The following ALDH3A2 variants were observed in gnomAD, a reference collection of about 807,000 sequenced individuals.
ALDH3A2 encodes the protein aldehyde dehydrogenase family 3 member A2.
In ALDH3A2, 36 loss-of-function variants were observed where a neutral mutation model predicts 51.3. The ratio of observed to expected loss-of-function variants is 0.70; its 90% CI spans 0.54 to 0.93. The LOEUF (loss-of-function observed/expected upper bound fraction) is 0.93, where lower values mean the gene tolerates loss of function less well. ALDH3A2 is among the 40% of genes least tolerant of loss of function. The probability of loss-of-function intolerance (pLI) is 0.00; values close to 1 mark genes in which losing one functional copy is unlikely to be tolerated. For synonymous variants in ALDH3A2, 199 were observed against 219.8 expected (o/e 0.91, Z 0.84); for missense variants, 552 against 603.1 (o/e 0.92, Z 0.89).
At chr17:19,653,790 G>A (rs1338008156) in intron 3 of ALDH3A2, among the ~76,000 whole-genome samples, 1 of 152,214 alleles carries the variant, frequency 6.6e-6, no homozygotes, top group African/African-American at 2.4e-5. Flanking sequence ...TGCCGCTGCT[G>A]GCTTGGGCAG....
At chr17:19,672,716 G>A (rs1227336622) in intron 9 of ALDH3A2, among the ~76,000 whole-genome samples, 1 of 152,176 alleles carries the variant, frequency 6.6e-6, no homozygotes, top group Non-Finnish European at 1.5e-5. Context: ...CTTGGAAAAG[G>A]CAATGGTAAT....
chr17:19,673,818 A>G (rs2085153698), intron 9 of ALDH3A2, among the ~76,000 whole-genome samples: 2 of 152,228 alleles, frequency 1.3e-5, no homozygotes, highest in Admixed American at 1.3e-4. Context: ...CTTATCCACA[A>G]TTTTAAAAGG....
intron 8 of ALDH3A2, among the ~76,000 whole-genome samples, chr17:19,668,218 T>C (rs566155376): frequency 5.9e-5 from 9 of 152,272 alleles, no homozygotes; most frequent in African/African-American, 2.2e-4. Context: ...TTCCAGATTT[T>C]AATTTTTCTT....
rs1452548859 is a variant in ALDH3A2, at chr17:19,649,174, T to C, written c.153+50T>C. 5.9e-6 allele frequency: 9 copies of C among 1,532,030 alleles called. No homozygotes were observed. In the East Asian group the frequency reaches 2.0e-4, roughly 34 times the overall value. The allele number at this position is 1,532,030 out of a possible 1,614,324, so 94.9% of individuals were successfully genotyped here. A position where few individuals can be genotyped will look rare whatever the true frequency, so the allele number is the denominator to read the frequency against. ...GGGGAAACTGGCCCCCGCCGCGCACTTGTGGACTGGAGCTTCGGCTGGGTT... is the reference window on the plus strand; with the variant it reads ...GGGGAAACTGGCCCCCGCCGCGCACCTGTGGACTGGAGCTTCGGCTGGGTT... On this transcript the variant is annotated intron_variant, in intron 1 of 9. Coordinates refer to ENST00000176643, the MANE Select transcript of ALDH3A2 (RefSeq NM_000382.3).
intron 7 of ALDH3A2, among the ~76,000 whole-genome samples, chr17:19,664,398 C>T (rs547458424): frequency 6.6e-6 from 1 of 152,138 alleles, no homozygotes; most frequent in East Asian, 1.9e-4. Context: ...TTGCTGGCAC[C>T]CAAGGGTAAA....
At position 19,675,605 on chromosome 17, in the gene ALDH3A2, A is replaced by G. The variant is rs763464219; in HGVS notation, c.*33A>G. On this transcript the variant is annotated 3_prime_UTR_variant, in exon 10 of 10. Transcript: ENST00000176643. Reference sequence around the variant, plus strand: ...TCCTGTTCAACCTCCTAGTGCCTCTACTGAATTATTCCTCTTTTAAATGGT... The same window carrying G: ...TCCTGTTCAACCTCCTAGTGCCTCTGCTGAATTATTCCTCTTTTAAATGGT... The G allele has an allele frequency of 1.9e-6, 3 of 1,601,262 alleles. No homozygotes were observed. The highest frequency in any genetic ancestry group is 2.2e-5 in the South Asian group (2 of 90,788).
chr17:19,662,793 C>G (rs966044791), intron 6 of ALDH3A2, among the ~76,000 whole-genome samples: 15 of 152,120 alleles, frequency 9.9e-5, no homozygotes, highest in Non-Finnish European at 1.9e-4. Flanking sequence ...CTAGAAAGAC[C>G]TGTCCATTCG....
At chr17:19,660,489 TTTTG>T (rs1476384090) in intron 5 of ALDH3A2, among the ~76,000 whole-genome samples, 2 of 152,176 alleles carry the variant, frequency 1.3e-5, no homozygotes, top group East Asian at 1.9e-4. Context: ...AATTCAGTAA[TTTTG>T]TTTGTTTTAC....
At position 19,670,282 on chromosome 17, in the gene ALDH3A2, G is replaced by T. The variant is rs144010628; in HGVS notation, c.1208-1439G>T. Among the ~76,000 whole-genome samples the T allele has an allele frequency of 3.6e-3, 543 of 152,198 alleles. 8 individuals are homozygous for T. The highest frequency in any genetic ancestry group is 0.028 in the East Asian group (143 of 5,184). On this transcript the variant is annotated intron_variant, in intron 8 of 9. Coordinates refer to ENST00000176643, the MANE Select transcript of ALDH3A2 (RefSeq NM_000382.3). The stretch of plus-strand genomic sequence containing the variant: ...GAAGAATTTATATCTTTAAAATGTG[G>T]AGTCTTAATGGGAATATGTTATATC...
chr17:19,652,719 G>A lies in ALDH3A2; in HGVS notation c.471+87G>A. The A allele has an allele frequency of 3.4e-6, 4 of 1,172,622 alleles. No homozygotes were observed. The South Asian group carries it at 3.7e-5, about 11-fold the overall frequency. 72.6% of individuals were successfully genotyped at this position (1,172,622 alleles called of 1,614,324 possible). A position where few individuals can be genotyped will look rare whatever the true frequency, so the allele number is the denominator to read the frequency against. On this transcript the variant is annotated intron_variant, in intron 3 of 9. Transcript: ENST00000176643. The stretch of plus-strand genomic sequence containing the variant: ...TTCTTGCTATTGCATGTTATTGCTG[G>A]CCGGGGACCCAATTGCAGTCTCTTT...
Position 19,656,438 on chromosome 17 carries a change from T to C in ALDH3A2, c.544T>C (p.Phe182Leu), listed in dbSNP as rs780052067. The C allele has an allele frequency of 2.5e-6, 4 of 1,614,084 alleles. No individual in the cohort carries two copies. The African/African-American group carries it at 5.3e-5, about 22-fold the overall frequency. The change falls in exon 4 of 10, where the codon TTC becomes CTC. Residue 182 changes from phenylalanine to leucine, a missense_variant. Coordinates refer to ENST00000176643, the MANE Select transcript of ALDH3A2 (RefSeq NM_000382.3). ...ELLKQRFDHI[F>L]YTGNTAVGKI... ...CCTGAAGCAGCGATTTGACCACATT[T>C]TCTATACGGGAAACACTGCGGTTGG...
intron 8 of ALDH3A2, among the ~76,000 whole-genome samples, chr17:19,669,570 A>G (rs1008175505): frequency 1.1e-4 from 17 of 152,276 alleles, no homozygotes; most frequent in African/African-American, 3.6e-4. Context: ...AGTTAGCTTT[A>G]TAAGTGACAT....
chr17:19,673,507 C>A (rs2085148540), intron 9 of ALDH3A2, among the ~76,000 whole-genome samples: 1 of 151,940 alleles, frequency 6.6e-6, no homozygotes, highest in Non-Finnish European at 1.5e-5. Flanking sequence ...TGCCTGAGTT[C>A]CGGAGTTCGA....
At chr17:19,675,137 A>G (rs969667637) in intron 9 of ALDH3A2, 5 of 169,896 alleles carry the variant, frequency 2.9e-5, no homozygotes, top group Admixed American at 1.1e-4. Context: ...TCAGTCTTCA[A>G]TAGGAAGGAT....
At chr17:19,652,107 TTC>T (rs2084823841) in intron 2 of ALDH3A2, among the ~76,000 whole-genome samples, 5 of 152,212 alleles carry the variant, frequency 3.3e-5, no homozygotes, top group Admixed American at 3.3e-4. Context: ...AACCATTTGA[TTC>T]TGTCTGACCA....
chr17:19,654,493 G>A lies in ALDH3A2; in HGVS notation c.471+1861G>A, dbSNP rs948783644. 3.3e-5 allele frequency among the ~76,000 whole-genome samples: 5 copies of A among 152,156 alleles called. No homozygotes were observed. The highest frequency in any genetic ancestry group is 5.9e-5 in the Non-Finnish European group (4 of 68,010). On this transcript the variant is annotated intron_variant, in intron 3 of 9. Transcript: ENST00000176643. This position sits in a 1 kb window ranked among gnomAD's most constrained non-coding sequence, Gnocchi z 4.5. ...GGTGGCTGAGGCCCGGCGAGAATTC[G>A]AGTGTGGCGCTGGTGGGCTGGCATT... is the stretch of plus-strand genomic sequence containing the variant.
chr17:19,648,978 C>G lies in ALDH3A2; in HGVS notation c.7C>G (p.Leu3Val). The G allele has an allele frequency of 6.3e-7, 1 of 1,588,312 alleles. No homozygotes were observed. The highest frequency in any genetic ancestry group is 8.6e-7 in the Non-Finnish European group (1 of 1,168,336). ME[L>V]EVRRVRQAFL... ...TTCTCTGCAGGACCAGGCCATGGAG[C>G]TCGAAGTCCGGCGGGTCCGACAGGC... The change falls in exon 1 of 10, where the codon CTC becomes GTC. Residue 3 changes from leucine to valine, a missense_variant. Leu to Val is a conservative substitution (Grantham distance 32, BLOSUM62 1). Transcript: ENST00000176643.
intron 8 of ALDH3A2, among the ~76,000 whole-genome samples, chr17:19,666,106 T>C (rs1301866099): frequency 1.3e-5 from 2 of 151,166 alleles, no homozygotes; most frequent in Admixed American, 1.3e-4. Flanking sequence ...TTGGAAATGG[T>C]GGTGGCTTGT....
In ALDH3A2 at chr17:19,670,680, A is replaced by G. The variant is rs192010249; in HGVS notation, c.1208-1041A>G. On this transcript the variant is annotated intron_variant, in intron 8 of 9. Coordinates refer to ENST00000176643, the MANE Select transcript of ALDH3A2 (RefSeq NM_000382.3). ...CAGGTTCAAGCAATTCTCCTACCTC[A>G]GCCTCCCAGGTAGCTGGGACTACAG... Among the ~76,000 whole-genome samples, 341 of 151,744 alleles carry G rather than the reference A, an allele frequency of 2.2e-3. 1 individual carries two copies. The highest frequency in any genetic ancestry group is 7.3e-3 in the African/African-American group (302 of 41,352).
Sources: gnomAD v4.1 joint callset for allele counts (sites outside exome capture counted in the v4.1 genomes callset) on GRCh38, gnomAD v4.1.1 for gene constraint, Gnocchi (gnomAD v3.1) non-coding constraint, MANE v1.5 for transcripts, NCBI Gene and HGNC (gene_info 2026-07-23, HGNC 2026-07-21) for gene names.